FNIP1: variants seen among roughly 807,000 people sequenced by gnomAD.
FNIP1 encodes the protein folliculin-interacting protein 1.
FNIP1 carries 40 observed loss-of-function variants against 124.5 expected under a neutral mutation model. That is an observed-to-expected ratio of 0.32 (90% CI 0.25 to 0.42). FNIP1 has a LOEUF of 0.42. FNIP1 is among the 10% of genes least tolerant of loss of function. The pLI, the probability that FNIP1 is intolerant of heterozygous loss-of-function variation, is 1.00. For synonymous variants in FNIP1, 472 were observed against 470.6 expected, an observed-to-expected ratio of 1.00 and a Z score of -0.04; for missense variants, 1,176 against 1,403.7, an observed-to-expected ratio of 0.84 and a Z score of 2.59.
At chr5:131,702,657 C>T (rs978015383) in intron 10 of FNIP1, among the ~76,000 whole-genome samples, 2 of 152,130 alleles carry the variant, frequency 1.3e-5, no homozygotes, top group African/African-American at 4.8e-5. Flanking sequence ...ATTTCACTTT[C>T]CCCCAAATTT....
chr5:131,792,835 C>T (rs916006248), intron 1 of FNIP1, among the ~76,000 whole-genome samples: 1 of 143,886 alleles, frequency 6.9e-6, no homozygotes, highest in Non-Finnish European at 1.5e-5. Context: ...ACACATTATG[C>T]ATATGCAAGT....
chr5:131,689,312 T>C (rs1239833410), intron 11 of FNIP1, among the ~76,000 whole-genome samples: 3 of 152,096 alleles, frequency 2.0e-5, no homozygotes. Flanking sequence ...ATTTAATATA[T>C]GTTGAAAGAT....
At chr5:131,689,380 G>A (rs1044365836) in intron 11 of FNIP1, among the ~76,000 whole-genome samples, 1 of 152,094 alleles carries the variant, frequency 6.6e-6, no homozygotes, top group Non-Finnish European at 1.5e-5. Context: ...TATCCAAAAA[G>A]TAATAAATGT....
intron 2 of FNIP1, among the ~76,000 whole-genome samples, chr5:131,739,898 C>G (rs1770457598): frequency 6.6e-6 from 1 of 151,532 alleles, no homozygotes; most frequent in Non-Finnish European, 1.5e-5. Context: ...CTGGCTCATC[C>G]TCACTGCCCT....
At chr5:131,658,972 C>A (rs1767304609) in intron 15 of FNIP1, among the ~76,000 whole-genome samples, 1 of 144,626 alleles carries the variant, frequency 6.9e-6, no homozygotes, top group Non-Finnish European at 1.5e-5. Flanking sequence ...TAAAGCCATG[C>A]TAATCTCATC....
chr5:131,713,541 C>G (rs758210546), intron 6 of FNIP1, among the ~76,000 whole-genome samples: 2 of 152,178 alleles, frequency 1.3e-5, no homozygotes, highest in Non-Finnish European at 2.9e-5. Flanking sequence ...AACACTCATC[C>G]ATTTTTATGT....
In FNIP1 at chr5:131,742,871, A is replaced by C. The variant is rs185285940; in HGVS notation, c.219+1693T>G. ...AAAAGGAAGACATAAAATCTTCAGGAGAGTATTTACAGGATTTTGAAAATA... is the reference window on the plus strand; with the variant it reads ...AAAAGGAAGACATAAAATCTTCAGGCGAGTATTTACAGGATTTTGAAAATA... On this transcript the variant is annotated intron_variant, in intron 2 of 17. Coordinates refer to ENST00000510461, the MANE Select transcript of FNIP1 (RefSeq NM_133372.3). Among the ~76,000 whole-genome samples, 92 of 152,348 alleles carry C rather than the reference A, an allele frequency of 6.0e-4. No homozygotes were observed. The East Asian group carries it at 0.014, about 24-fold the overall frequency.
rs866291779 is a variant in FNIP1, at chr5:131,693,346, A to G, written c.1202+5571T>C. Reference sequence around the variant, plus strand: ...TATATATATATACATATATATATATATATATATATATATATAGTTACAGAG... The same window carrying G: ...TATATATATATACATATATATATATGTATATATATATATATAGTTACAGAG... On this transcript the variant is annotated intron_variant, in intron 11 of 17. Coordinates refer to ENST00000510461, the MANE Select transcript of FNIP1 (RefSeq NM_133372.3). Among the ~76,000 whole-genome samples the G allele has an allele frequency of 8.7e-3, 1,146 of 131,824 alleles. 35 individuals carry two copies. Among genetic ancestry groups the G allele is most frequent in the African/African-American group, 0.03 (1,066 of 35,470 alleles). 86.5% of individuals were successfully genotyped at this position (131,824 alleles called of 152,430 possible).
intron 15 of FNIP1, among the ~76,000 whole-genome samples, chr5:131,668,978 C>A: frequency 6.6e-6 from 1 of 152,110 alleles, no homozygotes; most frequent in South Asian, 2.1e-4. Flanking sequence ...ATTTGAAAAA[C>A]AAACAAACAA....
At chr5:131,687,002 G>GT (rs896197220) in intron 11 of FNIP1, among the ~76,000 whole-genome samples, 28 of 129,300 alleles carry the variant, frequency 2.2e-4, no homozygotes, top group Admixed American at 4.0e-4. Context: ...TATCTGAATG[G>GT]TTTTTTTTTC....
At chr5:131,701,151 G>A (rs1046314725) in intron 10 of FNIP1, among the ~76,000 whole-genome samples, 4 of 152,024 alleles carry the variant, frequency 2.6e-5, no homozygotes, top group Admixed American at 6.6e-5. Context: ...ATTGTGAACC[G>A]TGCATGCAAG....
intron 1 of FNIP1, among the ~76,000 whole-genome samples, chr5:131,792,758 T>C (rs1772450361): frequency 6.6e-6 from 1 of 152,190 alleles, no homozygotes; most frequent in Non-Finnish European, 1.5e-5. Context: ...TGTGCTATTA[T>C]GTGTACAAGG....
At chr5:131,772,602 G>A (rs1325636440) in intron 1 of FNIP1, among the ~76,000 whole-genome samples, 3 of 151,992 alleles carry the variant, frequency 2.0e-5, no homozygotes, top group Non-Finnish European at 4.4e-5. Context: ...CTTCCCTCCT[G>A]CATTCCTTAC....
At chr5:131,654,583 T>C (rs978128147) in intron 15 of FNIP1, among the ~76,000 whole-genome samples, 10 of 152,080 alleles carry the variant, frequency 6.6e-5, no homozygotes, top group Admixed American at 3.9e-4. Flanking sequence ...TAAATACATC[T>C]AGCTTTAAAA....
intron 15 of FNIP1, among the ~76,000 whole-genome samples, chr5:131,667,873 C>A (rs1305521665): frequency 6.6e-6 from 1 of 152,182 alleles, no homozygotes; most frequent in Non-Finnish European, 1.5e-5. Flanking sequence ...TAGGCGTGAG[C>A]CACCATTCCG....
At chr5:131,719,464 T>C (rs775761074) in intron 3 of FNIP1, 47 bp from the exon 4 acceptor site, 2 of 1,504,898 alleles carry the variant, frequency 1.3e-6, no homozygotes, top group South Asian at 2.4e-5. Flanking sequence ...TAAAAGCTTA[T>C]GACTATTTCA....
intron 16 of FNIP1, among the ~76,000 whole-genome samples, chr5:131,650,172 G>T (rs1284705283): frequency 6.6e-6 from 1 of 152,106 alleles, no homozygotes; most frequent in Admixed American, 6.6e-5. Context: ...ATTGGATTTT[G>T]ATAGGGATTA....
In FNIP1 at chr5:131,727,356, C is replaced by A. The variant is rs188535065; in HGVS notation, c.354+3548G>T. 5.8e-4 allele frequency among the ~76,000 whole-genome samples: 89 copies of A among 152,188 alleles called. 2 individuals are homozygous for A. The East Asian group carries it at 0.016, about 27-fold the overall frequency. On this transcript the variant is annotated intron_variant, in intron 3 of 17. Coordinates refer to ENST00000510461, the MANE Select transcript of FNIP1 (RefSeq NM_133372.3). ...CTTGTACTGGGTGCATATATACTTA[C>A]AATAGTTAGCTCTTCTTGTTACACT...
intron 11 of FNIP1, among the ~76,000 whole-genome samples, chr5:131,685,610 C>T (rs1768249608): frequency 6.6e-6 from 1 of 152,046 alleles, no homozygotes. Flanking sequence ...GCAGCCGCCA[C>T]TATCCAGCTA....
Sources: allele counts gnomAD v4.1 joint callset (sites outside exome capture counted in the v4.1 genomes callset), GRCh38; gene constraint gnomAD v4.1.1; transcripts MANE v1.5; gene names NCBI Gene and HGNC (gene_info 2026-07-23, HGNC 2026-07-21).